The following ABCA13 variants were observed in gnomAD, a reference collection of about 807,000 sequenced individuals.
ABCA13 encodes ATP-binding cassette sub-family A member 13.
A neutral mutation model predicts 478.7 loss-of-function variants in ABCA13; 476 were observed. The observed-to-expected ratio is 0.99, with a 90% confidence interval of 0.92 to 1.07. ABCA13 has a LOEUF of 1.07. Ranked by LOEUF, ABCA13 falls within the 50% of genes least tolerant of loss-of-function variation. The pLI, the probability that ABCA13 is intolerant of heterozygous loss-of-function variation, is 0.00. For synonymous variants in ABCA13, 2,252 were observed against 2,158.9 expected (o/e 1.04, Z -1.20); for missense variants, 6,060 against 5,910.6 (o/e 1.03, Z -0.83).
intron 15 of ABCA13, among the ~76,000 whole-genome samples, chr7:48,256,347 T>C (rs1330754756): frequency 6.6e-6 from 1 of 152,106 alleles, no homozygotes; most frequent in African/African-American, 2.4e-5. Flanking sequence ...ATAACTCTGA[T>C]ATCTTCATCT....
intron 55 of ABCA13, among the ~76,000 whole-genome samples, chr7:48,554,311 C>G (rs1279094279): frequency 6.6e-6 from 1 of 151,802 alleles, no homozygotes; most frequent in South Asian, 2.1e-4. Context: ...TATTTTGGGT[C>G]TTTTGTGGTT....
At chr7:48,358,294 A>G (rs1046071434) in intron 31 of ABCA13, among the ~76,000 whole-genome samples, 3 of 136,394 alleles carry the variant, frequency 2.2e-5, no homozygotes, top group East Asian at 2.3e-4. Flanking sequence ...ATGTTTTCTT[A>G]TATCCTAGCC....
chr7:48,276,939 CT>C (rs1311615299), intron 17 of ABCA13, among the ~76,000 whole-genome samples: 15 of 152,246 alleles, frequency 9.9e-5, no homozygotes, highest in African/African-American at 3.1e-4. Context: ...CAACTAGGGG[CT>C]TAAGTATTCT....
At chr7:48,200,292 A>C (rs1798487246) in intron 3 of ABCA13, among the ~76,000 whole-genome samples, 1 of 152,172 alleles carries the variant, frequency 6.6e-6, no homozygotes, top group South Asian at 2.1e-4. Flanking sequence ...GCTTGAACCC[A>C]GGAGGGGGAA....
At chr7:48,449,464 T>C (rs560973291) in intron 42 of ABCA13, among the ~76,000 whole-genome samples, 26 of 152,292 alleles carry the variant, frequency 1.7e-4, no homozygotes, top group African/African-American at 6.0e-4. Flanking sequence ...GAACAAAGAT[T>C]GAAGAGTACC....
At chr7:48,317,099 T>G in intron 26 of ABCA13, 58 bp from the exon 27 acceptor site, 1 of 1,550,386 alleles carries the variant, frequency 6.5e-7, no homozygotes, top group South Asian at 1.2e-5. Context: ...TGAATTTCCC[T>G]ATTAACCTAG....
intron 59 of ABCA13, among the ~76,000 whole-genome samples, chr7:48,640,820 G>T (rs1475337730): frequency 6.6e-6 from 1 of 152,054 alleles, no homozygotes; most frequent in Non-Finnish European, 1.5e-5. Flanking sequence ...ATTGTTGAAG[G>T]TGCCATGCTT....
At chr7:48,303,373 A>C (rs1800431214) in intron 23 of ABCA13, among the ~76,000 whole-genome samples, 1 of 151,774 alleles carries the variant, frequency 6.6e-6, no homozygotes, top group African/African-American at 2.4e-5. Flanking sequence ...GCTTTTCTTG[A>C]GTTTGCTTCT....
Position 48,449,131 on chromosome 7 carries a change from C to A in ABCA13, c.12566-5906C>A, listed in dbSNP as rs538968824. On this transcript the variant is annotated intron_variant, in intron 42 of 61. Coordinates refer to ENST00000435803, the MANE Select transcript of ABCA13 (RefSeq NM_152701.5). ...GTGCTGGGATTACAGGCATGAGCCA[C>A]TGTGTCCGGCTCCTAGCTGTCTGTA... 2.4e-4 allele frequency among the ~76,000 whole-genome samples: 36 copies of A among 152,344 alleles called. No individual in the cohort carries two copies. The East Asian group carries it at 6.2e-3, about 26-fold the overall frequency.
At chr7:48,556,496 C>A (rs1175592293) in intron 55 of ABCA13, among the ~76,000 whole-genome samples, 1 of 151,886 alleles carries the variant, frequency 6.6e-6, no homozygotes, top group African/African-American at 2.4e-5. Flanking sequence ...GTGTTGGGTA[C>A]ATAAATATTT....
At chr7:48,319,224 A>G (rs1290566167) in intron 27 of ABCA13, among the ~76,000 whole-genome samples, 1 of 152,212 alleles carries the variant, frequency 6.6e-6, no homozygotes, top group African/African-American at 2.4e-5. Flanking sequence ...TTTTTGAAAA[A>G]TCACCAAAGA....
chr7:48,305,859 C>A (rs918254103), intron 23 of ABCA13, among the ~76,000 whole-genome samples: 13 of 152,330 alleles, frequency 8.5e-5, no homozygotes, highest in South Asian at 6.2e-4. Flanking sequence ...CCCCTTACAG[C>A]TTTCCAAACC....
intron 31 of ABCA13, among the ~76,000 whole-genome samples, chr7:48,365,258 A>G (rs962226992): frequency 6.6e-6 from 1 of 151,672 alleles, no homozygotes; most frequent in African/African-American, 2.4e-5. Flanking sequence ...TTTTAATTGG[A>G]TTATGTGGGT....
At chr7:48,613,514 G>A (rs535678107) in intron 58 of ABCA13, among the ~76,000 whole-genome samples, 111 of 142,516 alleles carry the variant, frequency 7.8e-4, no homozygotes, top group African/African-American at 2.7e-3. Context: ...CTAGTTTGCT[G>A]TGTTAAGACA....
chr7:48,398,779 G>A lies in ABCA13; in HGVS notation c.11874-4904G>A, dbSNP rs536972704. On this transcript the variant is annotated intron_variant, in intron 38 of 61. Transcript: ENST00000435803. ...GTTTGATAGTAATGAGATCATTGAG[G>A]GCATAAGTGAAGGAAGATTAGAAGA... Among the ~76,000 whole-genome samples the A allele has an allele frequency of 3.9e-5, 6 of 152,222 alleles. No individual in the cohort carries two copies. The East Asian group carries it at 1.2e-3, about 29-fold the overall frequency.
intron 20 of ABCA13, among the ~76,000 whole-genome samples, chr7:48,292,504 C>T (rs575387705): frequency 2.0e-5 from 3 of 152,220 alleles, no homozygotes; most frequent in South Asian, 2.1e-4. Flanking sequence ...GAGTGTCCAG[C>T]GTCTTCCAGT....
At chr7:48,346,101 A>G in intron 29 of ABCA13, among the ~76,000 whole-genome samples, 1 of 152,160 alleles carries the variant, frequency 6.6e-6, no homozygotes, top group Non-Finnish European at 1.5e-5. Context: ...ACCATCTAGG[A>G]TTGTGTAAGT....
At chr7:48,531,073 T>G (rs968950530) in intron 55 of ABCA13, among the ~76,000 whole-genome samples, 3 of 152,152 alleles carry the variant, frequency 2.0e-5, no homozygotes, top group Non-Finnish European at 4.4e-5. Flanking sequence ...TAAGCCAATG[T>G]TTAGAGGGGT....
Position 48,466,938 on chromosome 7 carries a change from T to G in ABCA13, c.12816-18T>G. On this transcript the variant is annotated intron_variant, in intron 43 of 61. Transcript: ENST00000435803. ...TAATAATCCCACTTTGTTTCCTTTG[T>G]CTCACAATGAACAGCAGCAGTGGGG... 6.2e-7 allele frequency: 1 copy of G among 1,613,448 alleles called. No homozygotes were observed. The highest frequency in any genetic ancestry group is 8.5e-7 in the Non-Finnish European group (1 of 1,179,484).
Sources: allele counts gnomAD v4.1 joint callset (sites outside exome capture counted in the v4.1 genomes callset), GRCh38; gene constraint gnomAD v4.1.1; transcripts MANE v1.5; gene names NCBI Gene and HGNC (gene_info 2026-07-23, HGNC 2026-07-21).